The following CIMIP2A variants were observed in gnomAD, a reference collection of about 807,000 sequenced individuals.
The protein encoded by CIMIP2A is ciliary microtubule inner protein 2A.
At chr9:137,245,287 C>A in the CIMIP2A span, 1 of 1,579,670 alleles carries the variant, frequency 6.3e-7, no homozygotes, top group Non-Finnish European at 8.6e-7. Flanking sequence ...GGGCTTGGCA[C>A]TGGTGCATCC....
Sources: allele counts gnomAD v4.1 joint callset, GRCh38; gene constraint gnomAD v4.1.1; transcripts MANE v1.5; gene names NCBI Gene and HGNC (gene_info 2026-07-23, HGNC 2026-07-21).